Variants in ANK2 observed in about 807,000 individuals in gnomAD.
ANK2 encodes ankyrin 2.
Under a neutral mutation model 360.5 loss-of-function variants are expected in ANK2, and 83 were observed. The observed-to-expected ratio is 0.23, with a 90% CI of 0.19 to 0.28. The LOEUF (loss-of-function observed/expected upper bound fraction) is 0.28, where lower values mean the gene tolerates loss of function less well. Ranked by LOEUF, ANK2 falls within the 10% of genes least tolerant of loss-of-function variation. The pLI, the probability that ANK2 is intolerant of heterozygous loss-of-function variation, is 1.00. For synonymous variants in ANK2, 1,740 were observed against 1,759.5 expected, an observed-to-expected ratio of 0.99 and a Z score of 0.28; for missense variants, 4,201 against 4,795.7, an observed-to-expected ratio of 0.88 and a Z score of 3.66.
intron 21 of ANK2, chr4:113,292,941 T>A (rs2068594522): frequency 8.5e-6 from 3 of 351,100 alleles, no homozygotes; most frequent in Admixed American, 3.9e-5. Flanking sequence ...GGATCCCGAG[T>A]GGCCTGGGTT....
intron 22 of ANK2, among the ~76,000 whole-genome samples, chr4:113,299,290 C>A (rs1042199357): frequency 6.6e-6 from 1 of 152,174 alleles, no homozygotes; most frequent in Non-Finnish European, 1.5e-5. Flanking sequence ...AACAGAGAAT[C>A]ATCTCCTTAT....
chr4:113,346,380 A>G (rs943153336), intron 35 of ANK2, among the ~76,000 whole-genome samples: 1 of 152,170 alleles, frequency 6.6e-6, no homozygotes. Flanking sequence ...TATTGTTTTC[A>G]TGTGCTTTCC....
chr4:112,821,505 T>A (rs79243734), intron 1 of ANK2, among the ~76,000 whole-genome samples: 2,625 of 151,388 alleles, frequency 0.017, 89 homozygotes, highest in African/African-American at 0.058. Flanking sequence ...CCTAATTTTT[T>A]TTTTTATTTT....
In ANK2 at chr4:113,292,988, T is replaced by G. The variant is rs1419593731; in HGVS notation, c.2377-452T>G. On this transcript the variant is annotated intron_variant, in intron 21 of 45. Coordinates refer to ENST00000357077, the MANE Select transcript of ANK2 (RefSeq NM_001148.6). ...GAATTGCTTGCCTGTGTTATTTTGCTGCACAGTGAGCTTCTGCACAGCTGT... is the reference window on the plus strand; with the variant it reads ...GAATTGCTTGCCTGTGTTATTTTGCGGCACAGTGAGCTTCTGCACAGCTGT... 8.4e-6 allele frequency: 3 copies of G among 355,476 alleles called. No homozygotes were observed. The Admixed American group carries it at 1.1e-4, about 14-fold the overall frequency. 22.0% of individuals were successfully genotyped at this position (355,476 alleles called of 1,614,324 possible).
intron 1 of ANK2, among the ~76,000 whole-genome samples, chr4:113,157,321 G>A (rs1461424627): frequency 1.3e-5 from 2 of 152,208 alleles, no homozygotes; most frequent in Admixed American, 6.5e-5. Context: ...GTCAATATGA[G>A]CTAGTAACAG....
intron 1 of ANK2, among the ~76,000 whole-genome samples, chr4:112,866,378 A>T (rs184560284): frequency 1.4e-4 from 21 of 152,340 alleles, no homozygotes; most frequent in Admixed American, 1.3e-3. Context: ...CTTATGTGAG[A>T]GTATATAATG....
At position 112,937,176 on chromosome 4, in the gene ANK2, A is replaced by G. The variant is rs115047257; in HGVS notation, c.21+32662A>G. Among the ~76,000 whole-genome samples the G allele has an allele frequency of 3.9e-4, 60 of 152,274 alleles. 1 individual carries two copies. The highest frequency in any genetic ancestry group is 1.4e-3 in the African/African-American group (57 of 41,574). On this transcript the variant is annotated intron_variant, in intron 2 of 30. Transcript: ENST00000503271. ...TCTGAAAGCTTACAAGTATCCTAGC[A>G]GGGGATCGAAGGATGGGTAAATTAG...
intron 4 of ANK2, among the ~76,000 whole-genome samples, chr4:113,218,315 C>A (rs1400642248): frequency 2.6e-5 from 4 of 152,048 alleles, no homozygotes; most frequent in African/African-American, 7.2e-5. Context: ...AAAAAATGAA[C>A]CTTTTTCTTT....
intron 2 of ANK2, among the ~76,000 whole-genome samples, chr4:112,968,900 G>A (rs1490864387): frequency 6.6e-6 from 1 of 152,098 alleles, no homozygotes; most frequent in East Asian, 1.9e-4. Flanking sequence ...AGAGAAACAA[G>A]GTCTTTTTGT....
intron 1 of ANK2, among the ~76,000 whole-genome samples, chr4:113,085,948 T>C (rs2084529879): frequency 6.6e-6 from 1 of 152,114 alleles, no homozygotes; most frequent in Non-Finnish European, 1.5e-5. Context: ...AAGGAAAAGA[T>C]GAAAAAAATA....
In ANK2 at chr4:113,204,870, G is replaced by A. The variant is rs533213725; in HGVS notation, c.384+5761G>A. 5.3e-5 allele frequency among the ~76,000 whole-genome samples: 8 copies of A among 152,242 alleles called. No homozygotes were observed. In the East Asian group the frequency reaches 1.4e-3, roughly 26 times the overall value. On this transcript the variant is annotated intron_variant, in intron 4 of 45. Transcript: ENST00000357077. The stretch of plus-strand genomic sequence containing the variant: ...AGCGATTCAGGTGTACTGGGAGGGC[G>A]TATCCATAATCTGGGCTTCATACAA...
At chr4:113,194,151 C>A (rs2098714561) in intron 2 of ANK2, among the ~76,000 whole-genome samples, 1 of 152,086 alleles carries the variant, frequency 6.6e-6, no homozygotes, top group South Asian at 2.1e-4. Flanking sequence ...TTAGTGGGTA[C>A]CTAGCAAATG....
intron 1 of ANK2, among the ~76,000 whole-genome samples, chr4:112,861,197 A>T (rs1344403079): frequency 1.3e-5 from 2 of 152,204 alleles, no homozygotes; most frequent in African/African-American, 4.8e-5. Context: ...TTTAAAGAAA[A>T]GGGCTATTGT....
chr4:113,379,447 T>C (rs934175833), intron 45 of ANK2, among the ~76,000 whole-genome samples: 3 of 152,214 alleles, frequency 2.0e-5, no homozygotes, highest in Non-Finnish European at 4.4e-5. Context: ...GTTAAAGATA[T>C]CATATACATG....
At chr4:113,027,074 C>T (rs555263003) in intron 2 of ANK2, among the ~76,000 whole-genome samples, 26 of 152,204 alleles carry the variant, frequency 1.7e-4, no homozygotes, top group Admixed American at 1.6e-3. Flanking sequence ...TGGGGAATAC[C>T]TGTGCATGCT....
At chr4:112,932,667 A>G (rs1320637598) in intron 2 of ANK2, among the ~76,000 whole-genome samples, 2 of 150,026 alleles carry the variant, frequency 1.3e-5, no homozygotes, top group African/African-American at 4.9e-5. Flanking sequence ...GCCAATGAGA[A>G]AGAGAGTCTT....
chr4:113,086,883 C>T (rs1169117115), intron 1 of ANK2, among the ~76,000 whole-genome samples: 2 of 152,024 alleles, frequency 1.3e-5, no homozygotes, highest in Non-Finnish European at 2.9e-5. Flanking sequence ...TAAGGGACAC[C>T]AGTAAGTCTG....
intron 1 of ANK2, among the ~76,000 whole-genome samples, chr4:112,900,263 C>T (rs1345443616): frequency 6.6e-6 from 1 of 152,118 alleles, no homozygotes; most frequent in African/African-American, 2.4e-5. Flanking sequence ...AAAACCATAT[C>T]CACCATGCCA....
chr4:113,075,656 C>T (rs557925430), intron 1 of ANK2, among the ~76,000 whole-genome samples: 55 of 152,266 alleles, frequency 3.6e-4, no homozygotes, highest in African/African-American at 9.9e-4. Flanking sequence ...TTATTTACCT[C>T]TTTAATCTGA....
Sources: gnomAD v4.1 joint callset for allele counts (sites outside exome capture counted in the v4.1 genomes callset) on GRCh38, gnomAD v4.1.1 for gene constraint, MANE v1.5 for transcripts, NCBI Gene and HGNC (gene_info 2026-07-23, HGNC 2026-07-21) for gene names.